Variants in FSCN2 observed in about 807,000 individuals in gnomAD.
FSCN2 encodes fascin actin-bundling protein 2, retinal, also known as fascin-2.
In FSCN2, 46 loss-of-function variants were observed where a neutral mutation model predicts 37.8. That is an observed-to-expected ratio of 1.22 (90% CI 0.96 to 1.56). The LOEUF is 1.56. Ranked by LOEUF, FSCN2 falls within the 40% of genes most tolerant of loss-of-function variation. FSCN2 has a pLI of 0.00. For missense variants in FSCN2, 844 were observed against 730.4 expected, an observed-to-expected ratio of 1.16 and a Z score of -1.79; for synonymous variants, 351 against 309.4, an observed-to-expected ratio of 1.13 and a Z score of -1.41.
chr17:81,518,134 G>A, the FSCN2 span, among the ~76,000 whole-genome samples: 39 of 152,230 alleles, frequency 2.6e-4, no homozygotes, highest in African/African-American at 9.1e-4. Flanking sequence ...AGTGGGCGCT[G>A]CCTGTCCCTC....
the FSCN2 span, among the ~76,000 whole-genome samples, chr17:81,517,756 G>A: frequency 9.7e-5 from 10 of 102,570 alleles, no homozygotes; most frequent in Non-Finnish European, 1.3e-4. Context: ...CAGGAGCTCC[G>A]GCCGCCCCCC....
chr17:81,524,715 G>C (rs1049351478), upstream of FSCN2, among the ~76,000 whole-genome samples: 2 of 150,036 alleles, frequency 1.3e-5, no homozygotes, highest in Admixed American at 6.6e-5. Context: ...TGTATGTCTG[G>C]AGTATGAGTG....
Position 81,528,999 on chromosome 17 carries a change from G to T in FSCN2, c.468G>T (p.Pro156=), listed in dbSNP as rs199752482. The T allele has an allele frequency of 6.3e-7, 1 of 1,582,690 alleles. No individual in the cohort carries two copies. The highest frequency in any genetic ancestry group is 2.3e-5 in the East Asian group (1 of 43,496). The stretch of plus-strand genomic sequence containing the variant: ...GGCGGCGCTACGTGCACCTGTGCCC[G>T]CGGGAGGACGAGATGGCCGCAGACG... ...VSRRRYVHLC[P]REDEMAADGD... The change falls in exon 1 of 5, where the codon CCG becomes CCT. Residue 156 remains proline (P), a synonymous_variant. Coordinates refer to ENST00000417245, the MANE Select transcript of FSCN2 (RefSeq NM_012418.4).
At chr17:81,526,038 C>T (rs565686499), upstream of FSCN2, among the ~76,000 whole-genome samples, 8 of 152,356 alleles carry the variant, frequency 5.3e-5, no homozygotes, top group East Asian at 1.9e-4. Flanking sequence ...ACTGAGGAGC[C>T]GCCATCATTT....
chr17:81,520,121 C>T, the FSCN2 span, among the ~76,000 whole-genome samples: 1 of 152,220 alleles, frequency 6.6e-6, no homozygotes, highest in South Asian at 2.1e-4. Flanking sequence ...TCCCAAGGGG[C>T]CAGGTTGTTT....
At chr17:81,533,414 C>G (rs74200063) in intron 1 of FSCN2, among the ~76,000 whole-genome samples, 1 of 152,066 alleles carries the variant, frequency 6.6e-6, no homozygotes. Context: ...CACTATCACC[C>G]GCTCAGCAGC....
chr17:81,528,370 G>A (rs1186950012), upstream of FSCN2: 10 of 610,002 alleles, frequency 1.6e-5, 1 homozygote, highest in South Asian at 3.9e-5. Context: ...GGCTGCTGCC[G>A]CGGGTCAGAG....
chr17:81,530,204 A>T, intron 1 of FSCN2: 1 of 277,462 alleles, frequency 3.6e-6, no homozygotes, highest in African/African-American at 2.3e-5. Flanking sequence ...GTGCCTGACC[A>T]GTGGAGCCTC....
chr17:81,531,274 CGGTGGTGATGGTGAT>C (rs1568076984), intron 1 of FSCN2, among the ~76,000 whole-genome samples: 2 of 128,238 alleles, frequency 1.6e-5, no homozygotes, highest in Non-Finnish European at 1.6e-5. Flanking sequence ...GTGGTGATGG[CGGTGGTGATGGTGAT>C]GGTGGTGATG....
At chr17:81,521,786 A>G in the FSCN2 span, among the ~76,000 whole-genome samples, 2 of 152,128 alleles carry the variant, frequency 1.3e-5, no homozygotes, top group Non-Finnish European at 2.9e-5. Context: ...TGCCCTTACT[A>G]TTTTAGGGTG....
At chr17:81,536,121 G>A (rs1022998252) in intron 2 of FSCN2, 25 bp from the exon 3 acceptor site, 3 of 1,603,540 alleles carry the variant, frequency 1.9e-6, no homozygotes, top group Middle Eastern at 1.7e-4. Flanking sequence ...GCTGTCCTGA[G>A]GAGACCTTTT....
rs368665227 is a variant in FSCN2, at chr17:81,528,713, G to T, written c.182G>T (p.Arg61Leu). The change falls in exon 1 of 5, where the codon CGC becomes CTC. Residue 61 changes from arginine to leucine, a missense_variant. Transcript: ENST00000417245. Reference sequence around the variant, plus strand: ...GGACAAGGCACGGCTGTGCTGCTCCGCAGCAGCCACCTGGGCCGCTACCTG... The same window carrying T: ...GGACAAGGCACGGCTGTGCTGCTCCTCAGCAGCCACCTGGGCCGCTACCTG... The part of the protein sequence containing the change: ...DPGQGTAVLL[R>L]SSHLGRYLSA... 6.9e-6 allele frequency: 11 copies of T among 1,598,624 alleles called. No homozygotes were observed. The highest frequency in any genetic ancestry group is 4.5e-5 in the East Asian group (2 of 44,098).
intron 1 of FSCN2, chr17:81,529,631 C>G (rs781972722): frequency 5.9e-6 from 4 of 681,356 alleles, no homozygotes; most frequent in Non-Finnish European, 1.1e-5. Flanking sequence ...AATGTCTCAG[C>G]CAAGCCCTGG....
At chr17:81,531,749 A>ATGGTG (rs1568078115) in intron 1 of FSCN2, among the ~76,000 whole-genome samples, 1 of 23,250 alleles carries the variant, frequency 4.3e-5, no homozygotes, top group African/African-American at 2.3e-4. Context: ...TGGTGATGAT[A>ATGGTG]GTGATGGCGA....
intron 1 of FSCN2, among the ~76,000 whole-genome samples, chr17:81,531,342 G>GTGGTGA (rs782404062): frequency 3.1e-4 from 14 of 45,710 alleles, no homozygotes; most frequent in African/African-American, 1.1e-3. Flanking sequence ...GGTGATGGTG[G>GTGGTGA]TGGTGATGAT....
At chr17:81,518,567 G>A in the FSCN2 span, among the ~76,000 whole-genome samples, 2 of 152,216 alleles carry the variant, frequency 1.3e-5, no homozygotes, top group South Asian at 2.1e-4. Flanking sequence ...CTGGGAGGGA[G>A]GGGAGTCGTT....
the FSCN2 span, among the ~76,000 whole-genome samples, chr17:81,522,105 C>T: frequency 1.3e-5 from 2 of 152,062 alleles, no homozygotes; most frequent in Non-Finnish European, 2.9e-5. Flanking sequence ...CTCCTGGGTT[C>T]AAGCAATTCT....
upstream of FSCN2, among the ~76,000 whole-genome samples, chr17:81,525,144 G>A (rs77976544): frequency 0.063 from 9,530 of 151,858 alleles, 813 homozygotes; most frequent in African/African-American, 0.19. Context: ...AGAACCAGAC[G>A]GCCAGGCACG....
chr17:81,528,174 A>G (rs1435726276), upstream of FSCN2, among the ~76,000 whole-genome samples: 1 of 152,108 alleles, frequency 6.6e-6, no homozygotes, highest in African/African-American at 2.4e-5. Flanking sequence ...CTATGAGGAA[A>G]AGGGGATCAA....
Sources: gnomAD v4.1 joint callset for allele counts (sites outside exome capture counted in the v4.1 genomes callset) on GRCh38, gnomAD v4.1.1 for gene constraint, MANE v1.5 for transcripts, NCBI Gene and HGNC (gene_info 2026-07-23, HGNC 2026-07-21) for gene names.